Variants in MCM2 observed in about 807,000 individuals in gnomAD.
The protein encoded by MCM2 is minichromosome maintenance complex component 2.
A neutral mutation model predicts 86.4 loss-of-function variants in MCM2; 49 were observed. That is an observed-to-expected ratio of 0.57 (90% CI 0.45 to 0.72). MCM2 has a LOEUF of 0.72. Ranked by LOEUF, MCM2 falls within the 30% of genes least tolerant of loss-of-function variation. MCM2 has a pLI of 0.00. For synonymous variants in MCM2, 475 were observed against 484.6 expected, an observed-to-expected ratio of 0.98 and a Z score of 0.26; for missense variants, 1,038 against 1,259.9, an observed-to-expected ratio of 0.82 and a Z score of 2.67.
chr3:127,606,548 T>C lies in MCM2; in HGVS notation c.894-62T>C. 3 of 1,490,124 alleles carry C rather than the reference T, an allele frequency of 2.0e-6. No individual in the cohort carries two copies. Among genetic ancestry groups the C allele is most frequent in the Non-Finnish European group, 2.8e-6 (3 of 1,072,086 alleles). 92.3% of individuals were successfully genotyped at this position (1,490,124 alleles called of 1,614,324 possible). On this transcript the variant is annotated intron_variant, in intron 5 of 15. Transcript: ENST00000265056. The surrounding 1 kb of genome is among the most constrained non-coding windows in gnomAD (Gnocchi z 4.2). ...TTTCCAGGACAGTGTGTTGGGACAC[T>C]CTCGTCTGCAGCCTGGCCTCACCCT...
In MCM2 at chr3:127,615,884, C is replaced by CCATCTATGGTCATGAAGA; in HGVS notation, c.1456_1473dup (p.Tyr486_Ile491dup). On this transcript the variant is annotated inframe_insertion, in exon 9 of 16. Transcript: ENST00000265056. ...CAGATCTTTGCCAGCATTGCTCCTTCCATCTATGGTCATGAAGACATCAAG... is the reference window on the plus strand; with the variant it reads ...CAGATCTTTGCCAGCATTGCTCCTTCCATCTATGGTCATGAAGACATCTATGGTCATGAAGACATCAAG... The CCATCTATGGTCATGAAGA allele has an allele frequency of 6.2e-7, 1 of 1,614,116 alleles. No individual in the cohort carries two copies. Among genetic ancestry groups the CCATCTATGGTCATGAAGA allele is most frequent in the Non-Finnish European group, 8.5e-7 (1 of 1,179,978 alleles).
rs1268768426 is a variant in MCM2 at position 127,604,641 on chromosome 3, T to A, written c.270T>A (p.Tyr90Ter). The A allele has an allele frequency of 6.2e-7, 1 of 1,613,206 alleles. No homozygotes were observed. Among genetic ancestry groups the A allele is most frequent in the Non-Finnish European group, 8.5e-7 (1 of 1,180,040 alleles). The change falls in exon 3 of 16, where the codon TAT becomes TAA. Residue 90 changes from tyrosine (Y) to a stop codon, truncating the protein, a stop_gained. Transcript: ENST00000265056. LOFTEE classifies it high-confidence loss of function. ...DYRAIPELDAYEAEGLALDDE... is the reference protein window; with the variant it reads ...DYRAIPELDA ...GCGCCATCCCAGAGCTGGACGCCTA[T>A]GAGGCCGAGGGACTGGCTCTGGATG... is the stretch of plus-strand genomic sequence containing the variant.
chr3:127,604,601 C>A lies in MCM2; in HGVS notation c.237-7C>A. 6.2e-7 allele frequency: 1 copy of A among 1,611,332 alleles called. No homozygotes were observed. Among genetic ancestry groups the A allele is most frequent in the Non-Finnish European group, 8.5e-7 (1 of 1,178,746 alleles). On this transcript the variant is annotated splice_polypyrimidine_tract_variant and splice_region_variant and intron_variant, in intron 2 of 15. Coordinates refer to ENST00000265056, the MANE Select transcript of MCM2 (RefSeq NM_004526.4). ...CAGTAACCACATCTGTTTTGGTGCT[C>A]CCTCAGGGACTACCGCGCCATCCCA...
chr3:127,621,915 C>T lies in MCM2; in HGVS notation c.*142C>T. Reference sequence around the variant, plus strand: ...GCTTATAGCAGGATGTCTGGCTGCACCTGGCATGACTGTTTGTTTCTCCAA... The same window carrying T: ...GCTTATAGCAGGATGTCTGGCTGCATCTGGCATGACTGTTTGTTTCTCCAA... On this transcript the variant is annotated 3_prime_UTR_variant, in exon 16 of 16. Coordinates refer to ENST00000265056, the MANE Select transcript of MCM2 (RefSeq NM_004526.4). The T allele has an allele frequency of 1.7e-6, 1 of 595,924 alleles. No homozygotes were observed. The highest frequency in any genetic ancestry group is 3.0e-6 in the Non-Finnish European group (1 of 338,538). 36.9% of individuals were successfully genotyped at this position (595,924 alleles called of 1,614,324 possible). A position where few individuals can be genotyped will look rare whatever the true frequency, so the allele number is the denominator to read the frequency against.
At chr3:127,602,937 G>A (rs1013023425) in intron 2 of MCM2, among the ~76,000 whole-genome samples, 10 of 151,524 alleles carry the variant, frequency 6.6e-5, no homozygotes, top group African/African-American at 2.4e-4. Context: ...TTTTCTTATT[G>A]GGCGCATAGA....
At chr3:127,615,078 G>A (rs1354231660) in intron 8 of MCM2, among the ~76,000 whole-genome samples, 1 of 152,134 alleles carries the variant, frequency 6.6e-6, no homozygotes, top group Non-Finnish European at 1.5e-5. Flanking sequence ...CCACCTTCAG[G>A]GCTGGTTTTC....
intron 15 of MCM2, 149 bp from the exon 16 acceptor site, chr3:127,621,514 T>G: frequency 3.2e-6 from 2 of 632,952 alleles, no homozygotes. Flanking sequence ...AGCAGAGATT[T>G]GAAGCCCCTT....
At position 127,616,950 on chromosome 3, in the gene MCM2, T is replaced by C; in HGVS notation, c.1605T>C (p.Tyr535=). 3 of 1,614,080 alleles carry C rather than the reference T, an allele frequency of 1.9e-6. No homozygotes were observed. The highest frequency in any genetic ancestry group is 2.5e-6 in the Non-Finnish European group (3 of 1,179,998). Residue 535 remains tyrosine, a synonymous_variant, in exon 10 of 16, where the codon TAT becomes TAC. Transcript: ENST00000265056. ...CAGCGAAGTCGCAGTTTCTCAAGTA[T>C]ATTGAGAAAGTGTCCAGCCGAGCCA... ...PGTAKSQFLK[Y]IEKVSSRAIF...
chr3:127,616,824 A>G, intron 9 of MCM2, 44 bp from the exon 10 acceptor site: 1 of 1,593,256 alleles, frequency 6.3e-7, no homozygotes, highest in South Asian at 1.1e-5. Context: ...TCCTCCTCTC[A>G]CTTCCCACTC....
rs17538447 is a variant in MCM2 at position 127,600,482 on chromosome 3, A to G, written c.236+935A>G. On this transcript the variant is annotated intron_variant, in intron 2 of 15. Coordinates refer to ENST00000265056, the MANE Select transcript of MCM2 (RefSeq NM_004526.4). ...CCTTTTGTGCCTTTTCAGCCTTAGC[A>G]TGTGTGAGAGTACTGTGCAGGGCAT... is the stretch of plus-strand genomic sequence containing the variant. Among the ~76,000 whole-genome samples the G allele has an allele frequency of 5.2e-3, 797 of 152,250 alleles. 7 individuals carry two copies. The highest frequency in any genetic ancestry group is 0.018 in the African/African-American group (742 of 41,532).
chr3:127,610,685 A>G, intron 8 of MCM2: 2 of 429,212 alleles, frequency 4.7e-6, no homozygotes, highest in Non-Finnish European at 9.4e-6. Context: ...GTGTCTTTGC[A>G]TCCACCGTGA....
In MCM2 at chr3:127,622,003, G is replaced by A. The variant is rs747829772; in HGVS notation, c.*230G>A. The stretch of plus-strand genomic sequence containing the variant: ...TGCCAGTGTGTCTTACTTGGTTGCT[G>A]AACATCTTGCCACCTCCGAGTGCTT... On this transcript the variant is annotated 3_prime_UTR_variant, in exon 16 of 16. Coordinates refer to ENST00000265056, the MANE Select transcript of MCM2 (RefSeq NM_004526.4). The A allele has an allele frequency of 2.1e-6, 1 of 486,258 alleles. No individual in the cohort carries two copies. The highest frequency in any genetic ancestry group is 3.7e-6 in the Non-Finnish European group (1 of 270,282). 30.1% of individuals were successfully genotyped at this position (486,258 alleles called of 1,614,324 possible). A position where few individuals can be genotyped will look rare whatever the true frequency, so the allele number is the denominator to read the frequency against.
intron 6 of MCM2, 63 bp from the exon 7 acceptor site, chr3:127,608,319 G>C: frequency 6.3e-7 from 1 of 1,585,492 alleles, no homozygotes; most frequent in Admixed American, 1.7e-5. Context: ...CCTCCTGTTC[G>C]GGGGTCAAGG....
At position 127,621,148 on chromosome 3, in the gene MCM2, G is replaced by A; in HGVS notation, c.2524G>A (p.Glu842Lys). The A allele has an allele frequency of 6.2e-7, 1 of 1,614,244 alleles. No individual in the cohort carries two copies. The highest frequency in any genetic ancestry group is 8.5e-7 in the Non-Finnish European group (1 of 1,180,048). ...CTTCATACTGAAGCAGTTAGTGGCA[G>A]AGCAGGTGACATATCAGCGCAACCG... is the stretch of plus-strand genomic sequence containing the variant. ...LLFILKQLVA[E>K]QVTYQRNRFG... Residue 842 changes from glutamate to lysine, a missense_variant, in exon 15 of 16, where the codon GAG becomes AAG. Around this residue, in one of 4 missense-constraint regions of MCM2, gnomAD observed 336 missense variants for 425.7 expected, o/e 0.79. Transcript: ENST00000265056.
In MCM2 at chr3:127,608,426, A is replaced by G. The variant is rs760675228; in HGVS notation, c.1146A>G (p.Pro382=). Residue 382 remains proline (P), a synonymous_variant, in exon 7 of 16, where the codon CCA becomes CCG. Transcript: ENST00000265056. ...AGCGTATCCGAATCCAGGAGAGTCC[A>G]GGCAAAGTGGCGGCTGGCCGGCTGC... ...NYQRIRIQES[P]GKVAAGRLPR... 1.9e-6 allele frequency: 3 copies of G among 1,614,260 alleles called. No individual in the cohort carries two copies. In the South Asian group the frequency reaches 3.3e-5, roughly 18 times the overall value.
chr3:127,599,182 T>A, intron 1 of MCM2, 136 bp from the exon 2 acceptor site: 6 of 735,116 alleles, frequency 8.2e-6, no homozygotes, highest in Non-Finnish European at 1.4e-5. Context: ...ATCTGGAGGC[T>A]GGAAGGGGTT....
At chr3:127,616,741 C>A in intron 9 of MCM2, 127 bp from the exon 10 acceptor site, 1 of 1,088,212 alleles carries the variant, frequency 9.2e-7, no homozygotes, top group Non-Finnish European at 1.3e-6. Context: ...CATTGTATCC[C>A]TTTCTAGAGG....
rs2074440046 is a variant in MCM2 at position 127,617,198 on chromosome 3, A to G, written c.1773+80A>G. ...GGCCTTAGCGACGGGAATGGTGTTA[A>G]TGGGGTCCATTGGGACCTCATCGGA... On this transcript the variant is annotated intron_variant, in intron 10 of 15. Coordinates refer to ENST00000265056, the MANE Select transcript of MCM2 (RefSeq NM_004526.4). This position sits in a 1 kb window ranked among gnomAD's most constrained non-coding sequence, Gnocchi z 4.1. 1.2e-5 allele frequency: 19 copies of G among 1,605,936 alleles called. No individual in the cohort carries two copies. Among genetic ancestry groups the G allele is most frequent in the Admixed American group, 5.0e-5 (3 of 59,728 alleles).
chr3:127,621,848 C>A lies in MCM2; in HGVS notation c.*75C>A. 3 of 1,101,568 alleles carry A rather than the reference C, an allele frequency of 2.7e-6. No individual in the cohort carries two copies. The highest frequency in any genetic ancestry group is 2.4e-5 in the East Asian group (1 of 41,786). 68.2% of individuals were successfully genotyped at this position (1,101,568 alleles called of 1,614,324 possible). On this transcript the variant is annotated 3_prime_UTR_variant, in exon 16 of 16. Coordinates refer to ENST00000265056, the MANE Select transcript of MCM2 (RefSeq NM_004526.4). ...CAGTGCCCTCTGTGCTTTATGGACA[C>A]AAAACCAGAGCACTTGATGAACTCG...
Sources: gnomAD v4.1 joint callset for allele counts (sites outside exome capture counted in the v4.1 genomes callset) on GRCh38, gnomAD v4.1.1 for gene constraint, gnomAD v4.1.1 regional missense constraint, Gnocchi (gnomAD v3.1) non-coding constraint, MANE v1.5 for transcripts, NCBI Gene and HGNC (gene_info 2026-07-23, HGNC 2026-07-21) for gene names.